The following LRP6 variants were observed in gnomAD, a reference collection of about 807,000 sequenced individuals.
LRP6 encodes the protein LDL receptor related protein 6, also known as low-density lipoprotein receptor-related protein 6.
Under a neutral mutation model 184.1 loss-of-function variants are expected in LRP6, and 43 were observed. That is an observed-to-expected ratio of 0.23 (90% CI 0.18 to 0.30). LRP6 has a LOEUF of 0.30. Ranked by LOEUF, LRP6 falls within the 10% of genes least tolerant of loss-of-function variation. The pLI is 1.00. For synonymous variants in LRP6, 719 were observed against 684.9 expected (o/e 1.05, Z -0.78); for missense variants, 1,571 against 2,005.3 (o/e 0.78, Z 4.14).
chr12:12,226,987 C>A (rs1405130753), intron 2 of LRP6, among the ~76,000 whole-genome samples: 1 of 152,052 alleles, frequency 6.6e-6, no homozygotes, highest in Admixed American at 6.6e-5. Flanking sequence ...CCACCTAACA[C>A]CTTGGCATAT....
chr12:12,251,532 T>A (rs374197402), intron 1 of LRP6, among the ~76,000 whole-genome samples: 52 of 151,862 alleles, frequency 3.4e-4, no homozygotes, highest in African/African-American at 1.2e-3. Context: ...CACGGCTAAT[T>A]TTTTTTGCAT....
rs528814743 is a variant in LRP6 at position 12,256,714 on chromosome 12, G to A, written c.55+9967C>T. The stretch of plus-strand genomic sequence containing the variant: ...CCAGCTACTCAGGAGGCTGAGGCAT[G>A]AGAATCACTTGAACCCAGGAGGCAG... On this transcript the variant is annotated intron_variant, in intron 1 of 22. Coordinates refer to ENST00000261349, the MANE Select transcript of LRP6 (RefSeq NM_002336.3). Among the ~76,000 whole-genome samples, 14 of 152,180 alleles carry A rather than the reference G, an allele frequency of 9.2e-5. No individual in the cohort carries two copies. The South Asian group carries it at 2.9e-3, about 32-fold the overall frequency.
At chr12:12,131,799 G>A (rs755051980) in intron 18 of LRP6, 22 bp downstream of exon 18, 31 of 1,579,490 alleles carry the variant, frequency 2.0e-5, no homozygotes, top group Non-Finnish European at 2.4e-5. Flanking sequence ...TGCATGCTGA[G>A]GCACTGAAGA....
At chr12:12,222,280 T>TCTTTATATATAAAGC (rs1305864195) in intron 2 of LRP6, among the ~76,000 whole-genome samples, 1 of 152,122 alleles carries the variant, frequency 6.6e-6, no homozygotes, top group African/African-American at 2.4e-5. Context: ...TAAAGAAAGA[T>TCTTTATATATAAAGC]CACGGCCGGG....
At chr12:12,146,244 T>C (rs1950004738) in intron 15 of LRP6, among the ~76,000 whole-genome samples, 1 of 152,224 alleles carries the variant, frequency 6.6e-6, no homozygotes, top group Admixed American at 6.5e-5. Flanking sequence ...TCAAAGGGAA[T>C]GCATATTTTA....
chr12:12,249,521 A>C, intron 1 of LRP6: 1 of 587,284 alleles, frequency 1.7e-6, no homozygotes, highest in Non-Finnish European at 3.0e-6. Flanking sequence ...CAATTTAAGC[A>C]GTCTTCATTT....
At chr12:12,249,333 G>A in intron 1 of LRP6, 2 of 1,152,456 alleles carry the variant, frequency 1.7e-6, no homozygotes, top group East Asian at 2.3e-5. Flanking sequence ...AGAATTCACA[G>A]CACCAAAGTT....
chr12:12,158,089 C>G (rs7315313), intron 12 of LRP6, among the ~76,000 whole-genome samples: 5,726 of 152,248 alleles, frequency 0.038, 331 homozygotes, highest in African/African-American at 0.13. Context: ...AGTTTCTCAT[C>G]AACTGTTACT....
In LRP6 at chr12:12,186,037, G is replaced by A. The variant is rs141241810; in HGVS notation, c.844+886C>T. ...ATATTTTTGTTATTTTAGTAGAGAC[G>A]GGGTTTCACCATGTTGGCCAGGCTG... On this transcript the variant is annotated intron_variant, in intron 4 of 22. Coordinates refer to ENST00000261349, the MANE Select transcript of LRP6 (RefSeq NM_002336.3). Among the ~76,000 whole-genome samples, 40 of 151,754 alleles carry A rather than the reference G, an allele frequency of 2.6e-4. No individual in the cohort carries two copies. The East Asian group carries it at 7.4e-3, about 28-fold the overall frequency.
At chr12:12,124,694 TAAC>T in intron 21 of LRP6, 32 bp from the exon 22 acceptor site, 1 of 1,347,390 alleles carries the variant, frequency 7.4e-7, no homozygotes, top group Non-Finnish European at 1.0e-6. Flanking sequence ...AATATTAAAA[TAAC>T]AACATAGAAA....
In LRP6 at chr12:12,122,372, C is replaced by G. The variant is rs1250561987; in HGVS notation, c.4548-952G>C. Among the ~76,000 whole-genome samples, 2 of 152,174 alleles carry G rather than the reference C, an allele frequency of 1.3e-5. 1 individual carries two copies. ...CCAAAGATTTTTTCATAAGCTTTCT[C>G]ATCAAAGTGACTACAAGAGAAGGGG... On this transcript the variant is annotated intron_variant, in intron 22 of 22. Coordinates refer to ENST00000261349, the MANE Select transcript of LRP6 (RefSeq NM_002336.3).
In LRP6 at chr12:12,145,693, G is replaced by A. The variant is rs564648463; in HGVS notation, c.3397+1673C>T. On this transcript the variant is annotated intron_variant, in intron 15 of 22. Coordinates refer to ENST00000261349, the MANE Select transcript of LRP6 (RefSeq NM_002336.3). ...ATAACCCAGGCTGGAGTGCAGTGGC[G>A]CCGTCTTGACTCACTGCAACCACCG... Among the ~76,000 whole-genome samples, 6 of 145,420 alleles carry A rather than the reference G, an allele frequency of 4.1e-5. No individual in the cohort carries two copies. The South Asian group carries it at 8.7e-4, about 21-fold the overall frequency.
chr12:12,135,843 C>CA (rs1255181494), intron 16 of LRP6, among the ~76,000 whole-genome samples: 2 of 152,030 alleles, frequency 1.3e-5, no homozygotes, highest in African/African-American at 4.8e-5. Context: ...TGGTAAAGCT[C>CA]ATCTTAATTT....
At chr12:12,123,642 G>C (rs536084680) in intron 22 of LRP6, among the ~76,000 whole-genome samples, 5 of 152,286 alleles carry the variant, frequency 3.3e-5, no homozygotes, top group Admixed American at 6.5e-5. Context: ...CTGATGGTCT[G>C]TTGGCCTTTC....
chr12:12,176,316 G>T (rs1009723672), intron 7 of LRP6, among the ~76,000 whole-genome samples: 1 of 152,098 alleles, frequency 6.6e-6, no homozygotes, highest in Non-Finnish European at 1.5e-5. Flanking sequence ...GTACTAGCAG[G>T]CACCTTTTAA....
chr12:12,135,035 A>G (rs1949813821), intron 17 of LRP6, 140 bp downstream of exon 17: 1 of 1,188,806 alleles, frequency 8.4e-7, no homozygotes, highest in African/African-American at 1.5e-5. Flanking sequence ...AAAGCCTAGT[A>G]CAATACAAAT....
chr12:12,217,699 T>C (rs1015592824), intron 2 of LRP6, among the ~76,000 whole-genome samples: 1 of 152,094 alleles, frequency 6.6e-6, no homozygotes, highest in Non-Finnish European at 1.5e-5. Context: ...TCTAGATAAA[T>C]TTAAAAGAAA....
At chr12:12,223,055 C>CA (rs1295630840) in intron 2 of LRP6, among the ~76,000 whole-genome samples, 1 of 151,898 alleles carries the variant, frequency 6.6e-6, no homozygotes, top group Non-Finnish European at 1.5e-5. Context: ...AATCATCCTC[C>CA]CAGACTATGT....
intron 17 of LRP6, among the ~76,000 whole-genome samples, chr12:12,133,809 C>T (rs1238653998): frequency 7.3e-6 from 1 of 136,448 alleles, no homozygotes; most frequent in African/African-American, 2.8e-5. Flanking sequence ...CAAAGTAACA[C>T]TCCAGCACCC....
Sources: gnomAD v4.1 joint callset for allele counts (sites outside exome capture counted in the v4.1 genomes callset) on GRCh38, gnomAD v4.1.1 for gene constraint, MANE v1.5 for transcripts, NCBI Gene and HGNC (gene_info 2026-07-23, HGNC 2026-07-21) for gene names.